The following DNAH8 variants were observed in gnomAD, a reference collection of about 807,000 sequenced individuals.
The protein encoded by DNAH8 is axonemal beta dynein heavy chain 8.
DNAH8 carries 382 observed loss-of-function variants against 562.1 expected under a neutral mutation model. That is an observed-to-expected ratio of 0.68 (90% CI 0.63 to 0.74). The LOEUF (loss-of-function observed/expected upper bound fraction) is 0.74, where lower values mean the gene tolerates loss of function less well. Among genes scored for constraint, DNAH8 ranks in the 30% least tolerant of loss-of-function variants. The probability of loss-of-function intolerance (pLI) is 0.00; values close to 1 mark genes in which losing one functional copy is unlikely to be tolerated. For synonymous variants in DNAH8, 1,881 were observed against 1,919.4 expected (o/e 0.98, Z 0.52); for missense variants, 5,203 against 5,620.4 (o/e 0.93, Z 2.37).
At chr6:38,854,711 T>C (rs905888364) in intron 41 of DNAH8, among the ~76,000 whole-genome samples, 4 of 151,952 alleles carry the variant, frequency 2.6e-5, no homozygotes, top group African/African-American at 9.7e-5. Context: ...TTGGCCTAAA[T>C]TAGGCTGAGG....
intron 11 of DNAH8, among the ~76,000 whole-genome samples, chr6:38,768,479 T>A (rs141486231): frequency 0.018 from 2,696 of 152,068 alleles, 35 homozygotes; most frequent in Admixed American, 0.03. Context: ...GTTGCCCAGG[T>A]GGTCTCAAAC....
In DNAH8 at chr6:38,929,666, G is replaced by T; in HGVS notation, c.11274G>T (p.Lys3758Asn). ...KNFIKSGTTF[K>N]VKVGDKECDI... ...TTATTAAATCTGGCACCACTTTCAA[G>T]GTGAGCTTTGTAAAAAAAAAAAAAA... Residue 3758 changes from lysine to asparagine, a missense_variant and splice_region_variant, in exon 75 of 93, where the codon AAG becomes AAT. Transcript: ENST00000327475. 6.9e-7 allele frequency: 1 copy of T among 1,459,450 alleles called. No individual in the cohort carries two copies. Among genetic ancestry groups the T allele is most frequent in the Non-Finnish European group, 9.0e-7 (1 of 1,109,372 alleles). 90.4% of individuals were successfully genotyped at this position (1,459,450 alleles called of 1,614,324 possible).
chr6:38,869,094 G>T (rs147906683), intron 48 of DNAH8, among the ~76,000 whole-genome samples: 1 of 152,304 alleles, frequency 6.6e-6, no homozygotes, highest in Non-Finnish European at 1.5e-5. Context: ...AGTGGTTCAG[G>T]AAGCTACATT....
intron 82 of DNAH8, among the ~76,000 whole-genome samples, chr6:38,969,901 G>A (rs1014227908): frequency 2.2e-4 from 33 of 152,084 alleles, no homozygotes; most frequent in Non-Finnish European, 4.0e-4. Flanking sequence ...GGCTGCTGTA[G>A]GAAGAATAGC....
In DNAH8 at chr6:38,965,411, G is replaced by T. The variant is rs1304452512; in HGVS notation, c.12452-6181G>T. 8.5e-5 allele frequency among the ~76,000 whole-genome samples: 13 copies of T among 152,238 alleles called. No individual in the cohort carries two copies. The South Asian group carries it at 2.7e-3, about 32-fold the overall frequency. The stretch of plus-strand genomic sequence containing the variant: ...GATTGTGGATTATGCATATTAAAAG[G>T]ATTAGAATAAAGATCTCTAGGGAGG... On this transcript the variant is annotated intron_variant, in intron 82 of 92. Coordinates refer to ENST00000327475, the MANE Select transcript of DNAH8 (RefSeq NM_001206927.2).
chr6:38,759,111 T>C (rs897341815), intron 10 of DNAH8, among the ~76,000 whole-genome samples: 4 of 152,100 alleles, frequency 2.6e-5, no homozygotes, highest in African/African-American at 9.7e-5. Context: ...GAGACCAACC[T>C]GGGCAACATA....
intron 8 of DNAH8, among the ~76,000 whole-genome samples, chr6:38,744,770 A>AT (rs991616661): frequency 1.3e-5 from 2 of 151,350 alleles, no homozygotes; most frequent in South Asian, 2.1e-4. Flanking sequence ...TTTTTAAACA[A>AT]TTTTTTTTAT....
At chr6:38,852,387 G>C (rs1775820713) in intron 39 of DNAH8, among the ~76,000 whole-genome samples, 2 of 152,046 alleles carry the variant, frequency 1.3e-5, no homozygotes, top group African/African-American at 4.8e-5. Context: ...AGCTGTATCT[G>C]TCGGGGGAGG....
intron 33 of DNAH8, among the ~76,000 whole-genome samples, chr6:38,839,585 G>A (rs533613845): frequency 6.6e-6 from 1 of 151,792 alleles, no homozygotes; most frequent in East Asian, 1.9e-4. Context: ...CTTGAACTTT[G>A]GGGCTCAAGT....
At chr6:38,725,987 C>G (rs1166414483) in intron 3 of DNAH8, among the ~76,000 whole-genome samples, 1 of 152,138 alleles carries the variant, frequency 6.6e-6, no homozygotes, top group Non-Finnish European at 1.5e-5. Context: ...TCTTTCTAGC[C>G]TCTCTAAGCA....
At chr6:38,876,853 A>G (rs1778054035) in intron 53 of DNAH8, among the ~76,000 whole-genome samples, 1 of 152,208 alleles carries the variant, frequency 6.6e-6, no homozygotes, top group Non-Finnish European at 1.5e-5. Context: ...TGGGAGAATC[A>G]TACCAAAACT....
chr6:38,843,457 T>C (rs1459788218), intron 35 of DNAH8, among the ~76,000 whole-genome samples: 1 of 152,128 alleles, frequency 6.6e-6, no homozygotes, highest in Non-Finnish European at 1.5e-5. Context: ...ATCTATAGAT[T>C]TATAGATGTC....
At chr6:38,990,197 T>A in intron 88 of DNAH8, 25 bp downstream of exon 88, 1 of 1,540,076 alleles carries the variant, frequency 6.5e-7, no homozygotes, top group East Asian at 2.3e-5. Flanking sequence ...TTTTTTAATT[T>A]GAAGGGGTCA....
In DNAH8 at chr6:38,848,794, T is replaced by C; in HGVS notation, c.5192T>C (p.Leu1731Pro). 1.9e-6 allele frequency: 3 copies of C among 1,613,368 alleles called. No homozygotes were observed. The highest frequency in any genetic ancestry group is 2.5e-6 in the Non-Finnish European group (3 of 1,179,472). ...GTAGGTGGAGATATTGCCAAACAGC[T>C]GCCTCAGGTAAATATGGCTTTTGTA... is the stretch of plus-strand genomic sequence containing the variant. ...VFVGGDIAKQ[L>P]PQEAKRFQNI... The change falls in exon 37 of 93, where the codon CTG becomes CCG. Residue 1731 changes from leucine (L) to proline (P), a missense_variant. Physicochemically the swap from Leu to Pro is moderately conservative, Grantham distance 98. Coordinates refer to ENST00000327475, the MANE Select transcript of DNAH8 (RefSeq NM_001206927.2).
rs146983782 is a variant in DNAH8 at position 38,787,136 on chromosome 6, G to A, written c.2583+184G>A. 5.0e-3 allele frequency among the ~76,000 whole-genome samples: 764 copies of A among 152,028 alleles called. 8 individuals are homozygous for A. The highest frequency in any genetic ancestry group is 0.016 in the African/African-American group (683 of 41,506). On this transcript the variant is annotated intron_variant, in intron 18 of 92. Coordinates refer to ENST00000327475, the MANE Select transcript of DNAH8 (RefSeq NM_001206927.2). ...CCAAAGAAAAGATTGGAAATGGAAA[G>A]CAAAAAGTGAGAAGATTATCAGAAA...
At chr6:38,916,471 T>C (rs1781321443) in intron 68 of DNAH8, among the ~76,000 whole-genome samples, 3 of 152,200 alleles carry the variant, frequency 2.0e-5, no homozygotes, top group African/African-American at 7.2e-5. Flanking sequence ...GCTTTGCCAT[T>C]TTCAGAGGTT....
intron 12 of DNAH8, among the ~76,000 whole-genome samples, chr6:38,771,081 T>C (rs186125591): frequency 2.0e-5 from 3 of 152,322 alleles, no homozygotes; most frequent in Admixed American, 2.0e-4. Context: ...CCAGCCCATA[T>C]CAGAGACTTC....
At chr6:38,735,204 A>T (rs1763987619) in intron 5 of DNAH8, among the ~76,000 whole-genome samples, 1 of 152,268 alleles carries the variant, frequency 6.6e-6, no homozygotes, top group Non-Finnish European at 1.5e-5. Flanking sequence ...AAATGATAAT[A>T]TAAATAAATT....
chr6:38,900,294 T>A (rs1481386701), intron 62 of DNAH8, among the ~76,000 whole-genome samples: 1 of 152,238 alleles, frequency 6.6e-6, no homozygotes, highest in Non-Finnish European at 1.5e-5. Context: ...TCATCCATGA[T>A]GCTACATGTA....
Sources: allele counts gnomAD v4.1 joint callset (sites outside exome capture counted in the v4.1 genomes callset), GRCh38; gene constraint gnomAD v4.1.1; transcripts MANE v1.5; gene names NCBI Gene and HGNC (gene_info 2026-07-23, HGNC 2026-07-21).